Variants in SLC22A9 observed in about 807,000 individuals in gnomAD.
SLC22A9 encodes organic anion transporter 7.
Under a neutral mutation model 50.1 loss-of-function variants are expected in SLC22A9, and 64 were observed. The ratio of observed to expected loss-of-function variants is 1.28; its 90% CI spans 1.04 to 1.57. The LOEUF (loss-of-function observed/expected upper bound fraction) is 1.57, where lower values mean the gene tolerates loss of function less well. Ranked by LOEUF, SLC22A9 falls within the 40% of genes most tolerant of loss-of-function variation. The pLI is 0.00. For missense variants in SLC22A9, 757 were observed against 676.1 expected (o/e 1.12, Z -1.33); for synonymous variants, 261 against 242.5 (o/e 1.08, Z -0.71).
At position 63,408,132 on chromosome 11, in the gene SLC22A9, G is replaced by A. The variant is rs1397027769; in HGVS notation, c.1309G>A (p.Val437Ile). ...VPQEMQTLRE[V>I]LATLGLGASA... ...TCCAGAAATGCAGACGCTGCGTGAG[G>A]TTTTGGCAACACTGGGCTTAGGAGC... is the stretch of plus-strand genomic sequence containing the variant. Residue 437 changes from valine to isoleucine, a missense_variant, in exon 8 of 10, where the codon GTT (valine) becomes ATT (isoleucine). Physicochemically the swap from Val to Ile is conservative, Grantham distance 29. Transcript: ENST00000279178. 1.6e-5 allele frequency: 26 copies of A among 1,613,518 alleles called. No individual in the cohort carries two copies. The East Asian group carries it at 3.3e-4, about 21-fold the overall frequency.
intron 6 of SLC22A9, among the ~76,000 whole-genome samples, chr11:63,398,282 TCTC>T: frequency 6.6e-6 from 1 of 152,072 alleles, no homozygotes; most frequent in Non-Finnish European, 1.5e-5. Context: ...TTCCCTCTCC[TCTC>T]CTCAAGTCAA....
In SLC22A9 at chr11:63,373,726, C is replaced by G; in HGVS notation, c.589C>G (p.Leu197Val). Residue 197 changes from leucine to valine, a missense_variant, in exon 3 of 10, where the codon CTC (leucine) becomes GTC (valine). Coordinates refer to ENST00000279178, the MANE Select transcript of SLC22A9 (RefSeq NM_080866.3). Reference sequence around the variant, plus strand: ...CTGTGCAGCCTTGGCTCCCACCTTCCTCATTTACTGCTCACTACGCTTCTT... The same window carrying G: ...CTGTGCAGCCTTGGCTCCCACCTTCGTCATTTACTGCTCACTACGCTTCTT... ...GTCAALAPTF[L>V]IYCSLRFLSG... 6.2e-7 allele frequency: 1 copy of G among 1,613,420 alleles called. No individual in the cohort carries two copies. Among genetic ancestry groups the G allele is most frequent in the Non-Finnish European group, 8.5e-7 (1 of 1,179,620 alleles).
In SLC22A9 at chr11:63,370,413, C is replaced by A; in HGVS notation, c.357C>A (p.Gly119=). 1 of 1,609,784 alleles carries A rather than the reference C, an allele frequency of 6.2e-7. No individual in the cohort carries two copies. The highest frequency in any genetic ancestry group is 8.5e-7 in the Non-Finnish European group (1 of 1,177,894). ...CAGACATGGAGCCCTGTGTGGATGG[C>A]TGGGTGTATGACAGAATCTCCTTCT... The part of the protein sequence containing the change: ...SDADMEPCVD[G]WVYDRISFSS... The change falls in exon 1 of 10, where the codon GGC becomes GGA. Residue 119 remains glycine, a synonymous_variant. Transcript: ENST00000279178.
intron 6 of SLC22A9, among the ~76,000 whole-genome samples, chr11:63,397,541 GA>G (rs1486864171): frequency 4.6e-5 from 7 of 152,140 alleles, no homozygotes; most frequent in African/African-American, 1.7e-4. Context: ...AGAAACCTTT[GA>G]AATCTATCTG....
intron 1 of SLC22A9, 71 bp downstream of exon 1, chr11:63,370,529 C>A: frequency 6.7e-7 from 1 of 1,484,962 alleles, no homozygotes; most frequent in East Asian, 2.3e-5. Flanking sequence ...AATAATCATG[C>A]TTCCAGCCTT....
chr11:63,408,526 A>G (rs1205028636), intron 8 of SLC22A9, 150 bp from the exon 9 acceptor site: 2 of 737,806 alleles, frequency 2.7e-6, no homozygotes, highest in East Asian at 2.7e-5. Flanking sequence ...ATTAATTGCT[A>G]GCAAATAAAA....
intron 6 of SLC22A9, among the ~76,000 whole-genome samples, chr11:63,393,168 A>T (rs1233127685): frequency 6.6e-6 from 1 of 152,102 alleles, no homozygotes; most frequent in Admixed American, 6.6e-5. Context: ...TTCTTTCAGC[A>T]GTGTTTTGTA....
intron 6 of SLC22A9, among the ~76,000 whole-genome samples, chr11:63,405,212 G>A (rs2120016471): frequency 6.6e-6 from 1 of 152,220 alleles, no homozygotes; most frequent in South Asian, 2.1e-4. Flanking sequence ...AAGTTTGCAG[G>A]TAAATGCCTG....
chr11:63,389,414 G>A (rs918350327), intron 6 of SLC22A9, among the ~76,000 whole-genome samples: 4 of 148,322 alleles, frequency 2.7e-5, no homozygotes, highest in Non-Finnish European at 4.4e-5. Context: ...TCCCGCTTAT[G>A]AGCGAGAACA....
Position 63,408,861 on chromosome 11 carries a change from T to A in SLC22A9, c.1583T>A (p.Ile528Asn), listed in dbSNP as rs768757372. ...AGGAACAAGCCTCTGTTTGACACCA[T>A]CCAGGATGAGAAAAATGAGTGAGTA... ...ETRNKPLFDTIQDEKNERKDP... is the reference protein window; with the variant it reads ...ETRNKPLFDTNQDEKNERKDP... Residue 528 changes from isoleucine (I) to asparagine (N), a missense_variant, in exon 9 of 10, where the codon ATC becomes AAC. Physicochemically the swap from Ile to Asn is moderately radical, Grantham distance 149. Coordinates refer to ENST00000279178, the MANE Select transcript of SLC22A9 (RefSeq NM_080866.3). The A allele has an allele frequency of 6.2e-7, 1 of 1,613,832 alleles. No individual in the cohort carries two copies. The highest frequency in any genetic ancestry group is 8.5e-7 in the Non-Finnish European group (1 of 1,179,852).
intron 6 of SLC22A9, among the ~76,000 whole-genome samples, chr11:63,406,218 G>A (rs938078389): frequency 4.6e-5 from 7 of 152,228 alleles, no homozygotes; most frequent in African/African-American, 1.7e-4. Flanking sequence ...AAATTATCCT[G>A]CTTCATAAGA....
rs1279011230 is a variant in SLC22A9, at chr11:63,406,605, C to A, written c.1182C>A (p.Asn394Lys). 2 of 1,613,766 alleles carry A rather than the reference C, an allele frequency of 1.2e-6. No homozygotes were observed. The highest frequency in any genetic ancestry group is 2.7e-5 in the African/African-American group (2 of 74,902). The change falls in exon 7 of 10, where the codon AAC becomes AAA. Residue 394 changes from asparagine to lysine, a missense_variant. Physicochemically the swap from Asn to Lys is moderately conservative, Grantham distance 94 (BLOSUM62 0). Coordinates refer to ENST00000279178, the MANE Select transcript of SLC22A9 (RefSeq NM_080866.3). ...TTGGTGCAGTCATCCTCCTGGCCAA[C>A]TGTGTTGCACCTTGGGCACTGAAAT... ...TLFGAVILLANCVAPWALKYM... is the reference protein window; with the variant it reads ...TLFGAVILLAKCVAPWALKYM...
chr11:63,392,354 T>C (rs537755565), intron 6 of SLC22A9, among the ~76,000 whole-genome samples: 17 of 152,096 alleles, frequency 1.1e-4, no homozygotes, highest in Admixed American at 2.0e-4. Flanking sequence ...AATGTCATTG[T>C]CTTTCAGATG....
intron 6 of SLC22A9, among the ~76,000 whole-genome samples, chr11:63,390,889 A>G (rs2014752525): frequency 1.3e-5 from 2 of 151,788 alleles, no homozygotes; most frequent in Admixed American, 6.6e-5. Context: ...TTGCTTTTCT[A>G]GTTCTTTAAG....
intron 5 of SLC22A9, among the ~76,000 whole-genome samples, chr11:63,378,632 G>C (rs2014506741): frequency 6.6e-6 from 1 of 152,098 alleles, no homozygotes; most frequent in South Asian, 2.1e-4. Flanking sequence ...TGTAGTTGTA[G>C]CCCAAAAGCT....
chr11:63,403,646 C>G (rs1377611404), intron 6 of SLC22A9, among the ~76,000 whole-genome samples: 1 of 151,984 alleles, frequency 6.6e-6, no homozygotes, highest in African/African-American at 2.4e-5. Context: ...CTACTCTCAC[C>G]ACTTCTATTC....
At chr11:63,409,725 G>C in intron 9 of SLC22A9, 77 bp from the exon 10 acceptor site, 2 of 1,411,426 alleles carry the variant, frequency 1.4e-6, no homozygotes, top group Admixed American at 1.9e-5. Context: ...ATTCCTTAAA[G>C]AATGCGGGAC....
intron 6 of SLC22A9, among the ~76,000 whole-genome samples, chr11:63,387,185 C>A (rs1372834543): frequency 6.6e-6 from 1 of 151,958 alleles, no homozygotes; most frequent in Admixed American, 6.6e-5. Flanking sequence ...GTTGCCTGTG[C>A]GTCTGGGGTA....
chr11:63,409,261 G>A (rs2015094615), intron 9 of SLC22A9, among the ~76,000 whole-genome samples: 1 of 152,114 alleles, frequency 6.6e-6, no homozygotes, highest in African/African-American at 2.4e-5. Flanking sequence ...GTGGGTACCT[G>A]TAAGCTGTCT....
Sources: gnomAD v4.1 joint callset for allele counts (sites outside exome capture counted in the v4.1 genomes callset) on GRCh38, gnomAD v4.1.1 for gene constraint, MANE v1.5 for transcripts, NCBI Gene and HGNC (gene_info 2026-07-23, HGNC 2026-07-21) for gene names.